Variants in SSBP3 observed in about 807,000 individuals in gnomAD.
SSBP3 encodes the protein single stranded DNA binding protein 3.
Under a neutral mutation model 69.6 loss-of-function variants are expected in SSBP3, and 5 were observed. The observed-to-expected ratio is 0.07, with a 90% CI of 0.04 to 0.15. The LOEUF is 0.15. Among genes scored for constraint, SSBP3 ranks in the 10% least tolerant of loss-of-function variants. The pLI is 1.00. For synonymous variants in SSBP3, 196 were observed against 193.4 expected, an observed-to-expected ratio of 1.01 and a Z score of -0.11; for missense variants, 312 against 534.0, an observed-to-expected ratio of 0.58 and a Z score of 4.10.
intron 4 of SSBP3, among the ~76,000 whole-genome samples, chr1:54,300,248 G>A (rs1645777048): frequency 1.3e-5 from 2 of 152,102 alleles, no homozygotes; most frequent in African/African-American, 4.8e-5. Context: ...GGCCACTGAG[G>A]ACCAAATATC....
chr1:54,254,536 C>A lies in SSBP3; in HGVS notation c.507+2591G>T, dbSNP rs372654920. ...AGACCCTGAGGCCACATCACTGACC[C>A]TTTGCTTCTTGTTTCCCTAAGGGCC... On this transcript the variant is annotated intron_variant, in intron 7 of 17. Transcript: ENST00000610401. Among the ~76,000 whole-genome samples, 38 of 152,342 alleles carry A rather than the reference C, an allele frequency of 2.5e-4. No individual in the cohort carries two copies. The South Asian group carries it at 5.8e-3, about 23-fold the overall frequency.
At chr1:54,305,941 C>A (rs1018360484) in intron 4 of SSBP3, among the ~76,000 whole-genome samples, 3 of 150,940 alleles carry the variant, frequency 2.0e-5, no homozygotes, top group African/African-American at 7.3e-5. Context: ...TGTCTTCTAC[C>A]ATGATACCCT....
At chr1:54,263,187 G>A (rs1282384736) in intron 5 of SSBP3, among the ~76,000 whole-genome samples, 1 of 152,180 alleles carries the variant, frequency 6.6e-6, no homozygotes, top group Non-Finnish European at 1.5e-5. Context: ...TACCCACACT[G>A]ACAGCGTGGG....
chr1:54,240,476 G>C (rs1250664745), intron 13 of SSBP3, among the ~76,000 whole-genome samples: 122 of 126,396 alleles, frequency 9.7e-4, no homozygotes, highest in South Asian at 4.2e-3. Context: ...AAAAAAAGGG[G>C]GGGGGGGCGG....
chr1:54,240,130 C>T lies in SSBP3; in HGVS notation c.856+775G>A, dbSNP rs535939183. ...CGTGCGCGCGCGCGCGCAACACATG[C>T]CCACGTATGTGCACGCATGCCCTCT... On this transcript the variant is annotated intron_variant, in intron 13 of 17. Coordinates refer to ENST00000610401, the Ensembl canonical transcript of SSBP3. 2.4e-3 allele frequency among the ~76,000 whole-genome samples: 313 copies of T among 131,664 alleles called. 2 individuals carry two copies. Among genetic ancestry groups the T allele is most frequent in the African/African-American group, 8.6e-3 (291 of 33,694 alleles). The allele number at this position is 131,664 out of a possible 152,430, so 86.4% of individuals were successfully genotyped here.
At chr1:54,402,024 G>A (rs1429166421) in intron 3 of SSBP3, 79 bp from the exon 4 acceptor site, 29 of 1,259,220 alleles carry the variant, frequency 2.3e-5, no homozygotes, top group Middle Eastern at 1.9e-4. Flanking sequence ...GATGCATGGC[G>A]CTAACAGTAC....
chr1:54,276,617 A>C (rs1054557426), intron 5 of SSBP3, among the ~76,000 whole-genome samples: 4 of 149,984 alleles, frequency 2.7e-5, no homozygotes, highest in African/African-American at 7.4e-5. Flanking sequence ...TCAAAAAAAA[A>C]AAAAAAAAAA....
At chr1:54,385,521 T>C (rs1648018752) in intron 4 of SSBP3, among the ~76,000 whole-genome samples, 2 of 152,118 alleles carry the variant, frequency 1.3e-5, no homozygotes, top group South Asian at 2.1e-4. Context: ...ATGGGTTTCT[T>C]TAACCTTGGC....
intron 5 of SSBP3, among the ~76,000 whole-genome samples, chr1:54,270,816 T>C (rs1438372908): frequency 6.6e-6 from 1 of 152,150 alleles, no homozygotes; most frequent in Non-Finnish European, 1.5e-5. Flanking sequence ...AGGCCTATCA[T>C]CGCCCCCAAT....
intron 4 of SSBP3, among the ~76,000 whole-genome samples, chr1:54,307,050 G>C (rs1317784186): frequency 6.6e-6 from 1 of 152,082 alleles, no homozygotes; most frequent in African/African-American, 2.4e-5. Context: ...CAGGAGGAAG[G>C]CCAGGCCTCA....
rs1021270052 is a variant in SSBP3 at position 54,381,276 on chromosome 1, A to C, written c.276+20585T>G. ...CGTGCGCCTGCAGTCCCAGCTACTCAGGAGGCTGAGGCAAGACAATCACTT... is the reference window on the plus strand; with the variant it reads ...CGTGCGCCTGCAGTCCCAGCTACTCCGGAGGCTGAGGCAAGACAATCACTT... On this transcript the variant is annotated intron_variant, in intron 4 of 17. Transcript: ENST00000610401. 2.0e-5 allele frequency among the ~76,000 whole-genome samples: 3 copies of C among 149,874 alleles called. No homozygotes were observed. In the Admixed American group the frequency reaches 2.0e-4, roughly 10 times the overall value.
At chr1:54,386,682 A>AATTTTTTTTTTTTTTTTTTT (rs1648104342) in intron 4 of SSBP3, among the ~76,000 whole-genome samples, 1 of 55,044 alleles carries the variant, frequency 1.8e-5, no homozygotes, top group Admixed American at 2.1e-4. Context: ...AACTGATCCT[A>AATTTTTTTTTTTTTTTTTTT]CTTTTTTTTT....
At position 54,258,282 on chromosome 1, in the gene SSBP3, G is replaced by C. The variant is rs1015927751; in HGVS notation, c.367-133C>G. The C allele has an allele frequency of 3.8e-5, 24 of 635,122 alleles. No homozygotes were observed. The highest frequency in any genetic ancestry group is 5.3e-5 in the Non-Finnish European group (22 of 411,836). 39.3% of individuals were successfully genotyped at this position (635,122 alleles called of 1,614,324 possible). ...CGTGCGGGGGGGTGGGCTCTGGTTG[G>C]TGGGAGGTGGTGGAGCTGCTGCTTT... is the stretch of plus-strand genomic sequence containing the variant. On this transcript the variant is annotated intron_variant, in intron 5 of 17. Coordinates refer to ENST00000610401, the Ensembl canonical transcript of SSBP3. This position sits in a 1 kb window ranked among gnomAD's most constrained non-coding sequence, Gnocchi z 4.5.
intron 5 of SSBP3, among the ~76,000 whole-genome samples, chr1:54,276,610 A>C (rs648294): frequency 0.017 from 594 of 35,810 alleles, 5 homozygotes; most frequent in South Asian, 0.03. Flanking sequence ...CTCTGTCTCA[A>C]AAAAAAAAAA....
intron 3 of SSBP3, among the ~76,000 whole-genome samples, chr1:54,402,156 T>G (rs555445566): frequency 2.0e-5 from 3 of 152,354 alleles, no homozygotes; most frequent in African/African-American, 7.2e-5. Flanking sequence ...ATAGTTCTTA[T>G]ATATCAAATA....
At chr1:54,233,149 G>A (rs1202313021) in intron 14 of SSBP3, among the ~76,000 whole-genome samples, 273 of 150,684 alleles carry the variant, frequency 1.8e-3, no homozygotes, top group African/African-American at 3.9e-3. Flanking sequence ...GCCTCTTCCC[G>A]GCCGCCATCA....
At chr1:54,329,821 C>T (rs1646376494) in intron 4 of SSBP3, among the ~76,000 whole-genome samples, 1 of 152,172 alleles carries the variant, frequency 6.6e-6, no homozygotes, top group Non-Finnish European at 1.5e-5. Context: ...GGGGACAAGC[C>T]TGGTTGGCTG....
At chr1:54,294,254 G>A (rs938171490) in intron 4 of SSBP3, among the ~76,000 whole-genome samples, 9 of 150,790 alleles carry the variant, frequency 6.0e-5, no homozygotes, top group African/African-American at 2.0e-4. Context: ...CAAACTCTAA[G>A]ACTAGCTATC....
At chr1:54,243,034 A>C in intron 10 of SSBP3, 1 of 608,734 alleles carries the variant, frequency 1.6e-6, no homozygotes, top group Admixed American at 2.8e-5. Context: ...AGCATGCCTG[A>C]ACCGTGCCCG....
Sources: gnomAD v4.1 joint callset for allele counts (sites outside exome capture counted in the v4.1 genomes callset) on GRCh38, gnomAD v4.1.1 for gene constraint, Gnocchi (gnomAD v3.1) non-coding constraint, MANE v1.5 for transcripts, NCBI Gene and HGNC (gene_info 2026-07-23, HGNC 2026-07-21) for gene names.